The following MANBA variants were observed in gnomAD, a reference collection of about 807,000 sequenced individuals.
The protein encoded by MANBA is mannosidase beta.
Under a neutral mutation model 111.1 loss-of-function variants are expected in MANBA, and 83 were observed. That is an observed-to-expected ratio of 0.75 (90% confidence interval 0.63 to 0.90). The LOEUF (loss-of-function observed/expected upper bound fraction) is 0.90, where lower values mean the gene tolerates loss of function less well. Ranked by LOEUF, MANBA falls within the 40% of genes least tolerant of loss-of-function variation. MANBA has a pLI of 0.00. For missense variants in MANBA, 1,036 were observed against 1,069.0 expected, an observed-to-expected ratio of 0.97 and a Z score of 0.43; for synonymous variants, 370 against 378.7, an observed-to-expected ratio of 0.98 and a Z score of 0.27.
chr4:102,633,152 T>C (rs543498257), intron 16 of MANBA: 14 of 391,580 alleles, frequency 3.6e-5, no homozygotes, highest in South Asian at 1.5e-4. Flanking sequence ...GAAACCTATA[T>C]TGATAGAAGC....
chr4:102,638,367 A>G (rs1032356905), intron 14 of MANBA, among the ~76,000 whole-genome samples: 4 of 152,172 alleles, frequency 2.6e-5, no homozygotes, highest in Non-Finnish European at 5.9e-5. Flanking sequence ...TGGAGGCTAC[A>G]GTGAGCCATG....
At position 102,670,949 on chromosome 4, in the gene MANBA, C is replaced by G. The variant is rs146077417; in HGVS notation, c.1230+332G>C. 1,468 of 161,546 alleles carry G rather than the reference C, an allele frequency of 9.1e-3. 23 individuals are homozygous for G. The highest frequency in any genetic ancestry group is 0.032 in the African/African-American group (1,342 of 41,700). 10.0% of individuals were successfully genotyped at this position (161,546 alleles called of 1,614,324 possible). A position where few individuals can be genotyped will look rare whatever the true frequency, so the allele number is the denominator to read the frequency against. On this transcript the variant is annotated intron_variant, in intron 9 of 16. Transcript: ENST00000647097. ...TACTTAATTTTATTATTTTTCTTCT[C>G]TTTAGGTTTCGTCAGATCTCCTTTA...
intron 5 of MANBA, among the ~76,000 whole-genome samples, chr4:102,706,547 T>C (rs1733305516): frequency 6.6e-6 from 1 of 152,046 alleles, no homozygotes; most frequent in Non-Finnish European, 1.5e-5. Context: ...ACAAGAAACA[T>C]GCAAAAGCAA....
Position 102,724,989 on chromosome 4 carries a change from T to C in MANBA, c.273-1022A>G, listed in dbSNP as rs566361456. ...AGAGGCGGTCACAAAGGCCCACATATTGTATGATTCCATTTATATGAGGTA... is the reference window on the plus strand; with the variant it reads ...AGAGGCGGTCACAAAGGCCCACATACTGTATGATTCCATTTATATGAGGTA... On this transcript the variant is annotated intron_variant, in intron 2 of 16. Transcript: ENST00000647097. 2.6e-5 allele frequency among the ~76,000 whole-genome samples: 4 copies of C among 152,320 alleles called. No homozygotes were observed. In the South Asian group the frequency reaches 8.3e-4, roughly 32 times the overall value.
At chr4:102,729,515 CGTCA>C in intron 1 of MANBA, 1 of 924,158 alleles carries the variant, frequency 1.1e-6, no homozygotes, top group Non-Finnish European at 1.8e-6. Context: ...AAATTGATCT[CGTCA>C]GTCAGCCCTT....
chr4:102,735,683 C>G (rs1402731656), intron 1 of MANBA, among the ~76,000 whole-genome samples: 1 of 152,198 alleles, frequency 6.6e-6, no homozygotes, highest in East Asian at 1.9e-4. Flanking sequence ...AGGGTTACCT[C>G]TCATGACTAA....
At chr4:102,759,722 C>G in intron 1 of MANBA, among the ~76,000 whole-genome samples, 1 of 152,158 alleles carries the variant, frequency 6.6e-6, no homozygotes, top group Non-Finnish European at 1.5e-5. Context: ...ACTAAGCATA[C>G]CACATAGTAT....
At chr4:102,717,250 C>T (rs1009996485) in intron 4 of MANBA, among the ~76,000 whole-genome samples, 7 of 150,946 alleles carry the variant, frequency 4.6e-5, no homozygotes, top group South Asian at 4.2e-4. Flanking sequence ...CAGTCAAGCA[C>T]GAAATTCAAG....
intron 15 of MANBA, among the ~76,000 whole-genome samples, chr4:102,635,434 T>G (rs749304569): frequency 2.0e-5 from 3 of 152,238 alleles, no homozygotes; most frequent in Non-Finnish European, 4.4e-5. Context: ...ATTTGTTTTT[T>G]AAAACAAATT....
chr4:102,735,822 A>C (rs1345189157), intron 1 of MANBA, among the ~76,000 whole-genome samples: 1 of 152,214 alleles, frequency 6.6e-6, no homozygotes, highest in African/African-American at 2.4e-5. Context: ...CTTCATAATA[A>C]ACACGTACAG....
In MANBA at chr4:102,635,003, G is replaced by GA; in HGVS notation, c.2199dup (p.Arg734SerfsTer4). ...TTCATCACAAAACGTTCAGTCACAC[G>GA]AGAGCACACGGGCTCCAGGGAGCTC... On this transcript the variant is annotated frameshift_variant, in exon 16 of 17. Transcript: ENST00000647097. LOFTEE classifies it high-confidence loss of function. 1 of 1,614,158 alleles carries GA rather than the reference G, an allele frequency of 6.2e-7. No individual in the cohort carries two copies.
At chr4:102,742,596 C>T (rs1410399774) in intron 1 of MANBA, among the ~76,000 whole-genome samples, 1 of 152,182 alleles carries the variant, frequency 6.6e-6, no homozygotes, top group African/African-American at 2.4e-5. Flanking sequence ...CCAGTGAATT[C>T]CATGAGCACG....
intron 7 of MANBA, among the ~76,000 whole-genome samples, chr4:102,683,609 A>G (rs572651798): frequency 2.0e-5 from 3 of 152,178 alleles, no homozygotes; most frequent in Non-Finnish European, 4.4e-5. Context: ...TGGGCAGAAA[A>G]TGGCAAAAAC....
chr4:102,660,746 C>G (rs1353954329), intron 11 of MANBA, among the ~76,000 whole-genome samples: 2 of 149,892 alleles, frequency 1.3e-5, no homozygotes, highest in Admixed American at 1.3e-4. Context: ...TAAGTCACCA[C>G]ATCCAGCTTT....
At chr4:102,751,625 G>T (rs1393860070) in intron 1 of MANBA, 1 of 540,820 alleles carries the variant, frequency 1.8e-6, no homozygotes, top group South Asian at 1.4e-5. Flanking sequence ...TGGAGAACAT[G>T]TCATCAGAAG....
intron 13 of MANBA, among the ~76,000 whole-genome samples, chr4:102,643,992 T>C (rs948238363): frequency 6.6e-6 from 1 of 152,242 alleles, no homozygotes; most frequent in Non-Finnish European, 1.5e-5. Context: ...CCATAAAATT[T>C]ATACCTATGT....
intron 1 of MANBA, among the ~76,000 whole-genome samples, chr4:102,752,889 T>A (rs1723863041): frequency 6.6e-6 from 1 of 152,206 alleles, no homozygotes; most frequent in Non-Finnish European, 1.5e-5. Flanking sequence ...GATGTACTCT[T>A]ACAGTTTATA....
At chr4:102,717,147 CTTCA>C (rs1210070852) in intron 4 of MANBA, among the ~76,000 whole-genome samples, 1 of 152,194 alleles carries the variant, frequency 6.6e-6, no homozygotes, top group Non-Finnish European at 1.5e-5. Context: ...CTCTTAACCT[CTTCA>C]AGAAGTATTT....
At chr4:102,688,644 C>T (rs963132827) in intron 7 of MANBA, among the ~76,000 whole-genome samples, 2 of 152,140 alleles carry the variant, frequency 1.3e-5, no homozygotes, top group Non-Finnish European at 2.9e-5. Context: ...TATGCCATGA[C>T]TCTTATAAGC....
Sources: gnomAD v4.1 joint callset for allele counts (sites outside exome capture counted in the v4.1 genomes callset) on GRCh38, gnomAD v4.1.1 for gene constraint, MANE v1.5 for transcripts, NCBI Gene and HGNC (gene_info 2026-07-23, HGNC 2026-07-21) for gene names.